The following ITPRID1 variants were observed in gnomAD, a reference collection of about 807,000 sequenced individuals.
ITPRID1 encodes the protein protein ITPRID1.
Under a neutral mutation model 95.4 loss-of-function variants are expected in ITPRID1, and 96 were observed. That is an observed-to-expected ratio of 1.01 (90% CI 0.85 to 1.19). The LOEUF (loss-of-function observed/expected upper bound fraction) is 1.19. Ranked by LOEUF, ITPRID1 falls within the 50% of genes most tolerant of loss-of-function variation. The pLI, the probability that ITPRID1 is intolerant of heterozygous loss-of-function variation, is 0.00. For synonymous variants in ITPRID1, 510 were observed against 453.6 expected (o/e 1.12, Z -1.58); for missense variants, 1,339 against 1,252.9 (o/e 1.07, Z -1.04).
At chr7:31,549,561 C>A in intron 2 of ITPRID1, 62 bp downstream of exon 2, 1 of 1,216,244 alleles carries the variant, frequency 8.2e-7, no homozygotes, top group Admixed American at 2.2e-5. Context: ...GTGTTTATTT[C>A]ATACTCATTA....
Position 31,578,449 on chromosome 7 carries a change from A to G in ITPRID1, c.1170+15A>G. 12 of 1,549,280 alleles carry G rather than the reference A, an allele frequency of 7.7e-6. No homozygotes were observed. The highest frequency in any genetic ancestry group is 9.6e-6 in the Non-Finnish European group (11 of 1,146,100). On this transcript the variant is annotated intron_variant, in intron 9 of 14. Coordinates refer to ENST00000615280, the MANE Select transcript of ITPRID1 (RefSeq NM_001257967.3). ...AAATGGAAGAGGTCAGTGCTGCACC[A>G]ACGTACCAGCCTCCTAAGGGAAATA...
At chr7:31,608,549 A>T (rs2128163522) in intron 10 of ITPRID1, among the ~76,000 whole-genome samples, 1 of 151,926 alleles carries the variant, frequency 6.6e-6, no homozygotes, top group African/African-American at 2.4e-5. Flanking sequence ...AGCATTTTGT[A>T]GTTTTACATG....
intron 1 of ITPRID1, among the ~76,000 whole-genome samples, chr7:31,542,694 C>A (rs546575575): frequency 5.3e-5 from 8 of 152,094 alleles, no homozygotes; most frequent in Middle Eastern, 3.2e-3. Context: ...ATTACACAAG[C>A]AAAGATTATT....
At chr7:31,651,331 A>T in intron 13 of ITPRID1, 62 bp downstream of exon 13, 2 of 1,579,428 alleles carry the variant, frequency 1.3e-6, no homozygotes, top group Admixed American at 3.5e-5. Flanking sequence ...CAAGGAAGAT[A>T]ATCAGGGCAG....
At chr7:31,534,184 T>C (rs1217072115) in intron 1 of ITPRID1, among the ~76,000 whole-genome samples, 1 of 152,170 alleles carries the variant, frequency 6.6e-6, no homozygotes, top group African/African-American at 2.4e-5. Flanking sequence ...GAAAAACTGT[T>C]TTCCACCAAA....
intron 5 of ITPRID1, among the ~76,000 whole-genome samples, chr7:31,568,214 G>A (rs1441126221): frequency 2.0e-5 from 3 of 151,750 alleles, no homozygotes; most frequent in Non-Finnish European, 2.9e-5. Context: ...CATTTAACAG[G>A]GTCACTAAGC....
In ITPRID1 at chr7:31,643,211, C is replaced by T. The variant is rs528934382; in HGVS notation, c.1841C>T (p.Ser614Phe). ...HTQDKFLHVD[S>F]EAPREEESSG... Reference sequence around the variant, plus strand: ...CAAGACAAGTTCCTTCATGTTGACTCTGAGGCCCCACGAGAAGAGGAAAGC... The same window carrying T: ...CAAGACAAGTTCCTTCATGTTGACTTTGAGGCCCCACGAGAAGAGGAAAGC... Residue 614 changes from serine to phenylalanine, a missense_variant, in exon 12 of 15, where the codon TCT (serine) becomes TTT (phenylalanine). Ser to Phe is a radical substitution (Grantham distance 155). Coordinates refer to ENST00000615280, the MANE Select transcript of ITPRID1 (RefSeq NM_001257967.3). 2.0e-5 allele frequency: 32 copies of T among 1,613,966 alleles called. No individual in the cohort carries two copies. The African/African-American group carries it at 4.3e-4, about 22-fold the overall frequency.
chr7:31,547,288 C>T (rs1212304726), intron 1 of ITPRID1, among the ~76,000 whole-genome samples: 1 of 152,154 alleles, frequency 6.6e-6, no homozygotes, highest in African/African-American at 2.4e-5. Flanking sequence ...AGTTCTCACA[C>T]TGCTATGAAG....
At chr7:31,523,592 C>A (rs1462650432) in intron 1 of ITPRID1, among the ~76,000 whole-genome samples, 3 of 152,172 alleles carry the variant, frequency 2.0e-5, no homozygotes, top group Non-Finnish European at 4.4e-5. Flanking sequence ...GGGGGTGGAT[C>A]TCTCCTGGCT....
At chr7:31,595,415 A>G (rs1319450726) in intron 10 of ITPRID1, among the ~76,000 whole-genome samples, 2 of 151,156 alleles carry the variant, frequency 1.3e-5, no homozygotes, top group African/African-American at 2.4e-5. Flanking sequence ...CAGTACAGTA[A>G]CACTTGAATT....
intron 10 of ITPRID1, among the ~76,000 whole-genome samples, chr7:31,604,653 C>T (rs1467867634): frequency 6.6e-6 from 1 of 152,076 alleles, no homozygotes; most frequent in Non-Finnish European, 1.5e-5. Flanking sequence ...CCACTACCAC[C>T]CACCCCTAGA....
chr7:31,647,449 G>A lies in ITPRID1; in HGVS notation c.2583+3496G>A, dbSNP rs188613071. On this transcript the variant is annotated intron_variant, in intron 12 of 14. Coordinates refer to ENST00000615280, the MANE Select transcript of ITPRID1 (RefSeq NM_001257967.3). ...GGCCAAGATGGGTGGATCACCTGAGGTTAGGGCTTCGAGAACAGCCTGGCC... is the reference window on the plus strand; with the variant it reads ...GGCCAAGATGGGTGGATCACCTGAGATTAGGGCTTCGAGAACAGCCTGGCC... Among the ~76,000 whole-genome samples the A allele has an allele frequency of 6.4e-3, 969 of 151,470 alleles. 3 individuals are homozygous for A. The highest frequency in any genetic ancestry group is 0.011 in the Admixed American group (162 of 15,228).
intron 10 of ITPRID1, among the ~76,000 whole-genome samples, chr7:31,612,739 C>T (rs1786933469): frequency 1.3e-5 from 2 of 152,056 alleles, no homozygotes; most frequent in African/African-American, 4.8e-5. Flanking sequence ...TTAGTCTTCC[C>T]TTCTTGTTTG....
Position 31,642,973 on chromosome 7 carries a change from A to T in ITPRID1, c.1603A>T (p.Arg535Trp). Residue 535 changes from arginine to tryptophan, a missense_variant, in exon 12 of 15, where the codon AGG becomes TGG. Arg to Trp is a moderately radical substitution (Grantham distance 101). Coordinates refer to ENST00000615280, the MANE Select transcript of ITPRID1 (RefSeq NM_001257967.3). ...AKTTTRGECP[R>W]KDSHLWQLLP... ...GACCACCACGAGGGGAGAATGCCCAAGGAAAGACAGCCATCTGTGGCAGCT... is the reference window on the plus strand; with the variant it reads ...GACCACCACGAGGGGAGAATGCCCATGGAAAGACAGCCATCTGTGGCAGCT... The T allele has an allele frequency of 6.2e-7, 1 of 1,614,068 alleles. No individual in the cohort carries two copies. Among genetic ancestry groups the T allele is most frequent in the African/African-American group, 1.3e-5 (1 of 75,072 alleles).
intron 1 of ITPRID1, among the ~76,000 whole-genome samples, chr7:31,527,702 A>G (rs916222812): frequency 6.6e-6 from 1 of 152,174 alleles, no homozygotes; most frequent in Admixed American, 6.6e-5. Flanking sequence ...CTTACCTATT[A>G]GATTTCATAG....
chr7:31,626,726 A>T (rs1281993010), intron 10 of ITPRID1, among the ~76,000 whole-genome samples: 1 of 152,194 alleles, frequency 6.6e-6, no homozygotes, highest in African/African-American at 2.4e-5. Context: ...TTGTTGTGGC[A>T]GTTTTCATCT....
downstream of ITPRID1, among the ~76,000 whole-genome samples, chr7:31,656,859 A>G (rs908741600): frequency 6.8e-6 from 1 of 147,720 alleles, no homozygotes; most frequent in Non-Finnish European, 1.5e-5. Flanking sequence ...AAAAGAGCAT[A>G]GAAGGGAAAC....
chr7:31,639,607 G>A (rs1445615495), intron 10 of ITPRID1, among the ~76,000 whole-genome samples: 1 of 147,714 alleles, frequency 6.8e-6, no homozygotes, highest in Non-Finnish European at 1.5e-5. Context: ...CGCAATCTCA[G>A]CTCACTGAAA....
chr7:31,648,530 CAGAG>C, intron 12 of ITPRID1, among the ~76,000 whole-genome samples: 1 of 152,282 alleles, frequency 6.6e-6, no homozygotes, highest in East Asian at 1.9e-4. Flanking sequence ...CCACCATTCT[CAGAG>C]AGCAAACACT....
Sources: gnomAD v4.1 joint callset for allele counts (sites outside exome capture counted in the v4.1 genomes callset) on GRCh38, gnomAD v4.1.1 for gene constraint, MANE v1.5 for transcripts, NCBI Gene and HGNC (gene_info 2026-07-23, HGNC 2026-07-21) for gene names.